The following LACTB variants were observed in gnomAD, a reference collection of about 807,000 sequenced individuals.
LACTB encodes lactamase beta.
Under a neutral mutation model 50.2 loss-of-function variants are expected in LACTB, and 35 were observed. The ratio of observed to expected loss-of-function variants is 0.70; its 90% CI spans 0.53 to 0.92. LACTB has a LOEUF of 0.92. LACTB is among the 40% of genes least tolerant of loss of function. LACTB has a pLI of 0.00. For missense variants in LACTB, 664 were observed against 691.8 expected (o/e 0.96, Z 0.45); for synonymous variants, 252 against 268.2 (o/e 0.94, Z 0.59).
chr15:63,127,279 CATT>C, intron 3 of LACTB, 71 bp from the exon 4 acceptor site: 1 of 1,185,174 alleles, frequency 8.4e-7, no homozygotes, highest in Non-Finnish European at 1.2e-6. Flanking sequence ...ATTACTGAGA[CATT>C]ATTCCGAGGC....
intron 5 of LACTB, among the ~76,000 whole-genome samples, chr15:63,138,232 G>A (rs2037193479): frequency 6.6e-6 from 1 of 152,040 alleles, no homozygotes; most frequent in African/African-American, 2.4e-5. Flanking sequence ...AGGCTGAGGT[G>A]GGGGATTACC....
chr15:63,124,881 G>A (rs1023148181), intron 2 of LACTB, among the ~76,000 whole-genome samples: 7 of 152,068 alleles, frequency 4.6e-5, no homozygotes, highest in African/African-American at 1.7e-4. Context: ...TTGAACTCGG[G>A]AGGCGGAGGT....
intron 2 of LACTB, among the ~76,000 whole-genome samples, chr15:63,124,525 C>T (rs891193626): frequency 4.6e-5 from 7 of 151,880 alleles, no homozygotes; most frequent in African/African-American, 1.7e-4. Flanking sequence ...AAACAGAAGG[C>T]AAAAAACTTA....
Position 63,122,141 on chromosome 15 carries a change from G to A in LACTB, c.270G>A (p.Pro90=). Residue 90 remains proline (P), a synonymous_variant, in exon 1 of 6, where the codon CCG becomes CCA. Transcript: ENST00000261893. The stretch of plus-strand genomic sequence containing the variant: ...CGCCACAGGAGCAGTCCCTCGCCCC[G>A]TGGTCTCCGCAGACCCCGGCGCCGC... ...AEPPQEQSLA[P]WSPQTPAPPC... is the part of the protein sequence containing the mutation. The A allele has an allele frequency of 6.7e-7, 1 of 1,499,868 alleles. No homozygotes were observed. 92.9% of individuals were successfully genotyped at this position (1,499,868 alleles called of 1,614,324 possible). A position where few individuals can be genotyped will look rare whatever the true frequency, so the allele number is the denominator to read the frequency against.
At chr15:63,137,845 A>T (rs746004102) in intron 5 of LACTB, among the ~76,000 whole-genome samples, 1 of 152,186 alleles carries the variant, frequency 6.6e-6, no homozygotes, top group Non-Finnish European at 1.5e-5. Context: ...GAATTGTTCC[A>T]TATCAAGCTC....
At position 63,141,907 on chromosome 15, in the gene LACTB, A is replaced by C. The variant is rs1260856526; in HGVS notation, c.*102A>C. 24 of 980,596 alleles carry C rather than the reference A, an allele frequency of 2.4e-5. No homozygotes were observed. In the South Asian group the frequency reaches 3.6e-4, roughly 15 times the overall value. 60.7% of individuals were successfully genotyped at this position (980,596 alleles called of 1,614,324 possible). On this transcript the variant is annotated 3_prime_UTR_variant, in exon 6 of 6. Transcript: ENST00000261893. ...TTTAAGAATAAATTTGAAATAGAGT[A>C]TAACTGAATGCAGAGAATTATGTAC...
chr15:63,125,508 A>G (rs1028709977), intron 2 of LACTB, among the ~76,000 whole-genome samples: 2 of 152,180 alleles, frequency 1.3e-5, no homozygotes, highest in African/African-American at 4.8e-5. Flanking sequence ...TCCTTCAAGT[A>G]TAAGTATAAT....
At chr15:63,130,590 C>T (rs1029945427) in intron 5 of LACTB, 1 of 150,470 alleles carries the variant, frequency 6.6e-6, no homozygotes, top group Non-Finnish European at 1.5e-5. Flanking sequence ...ACAGACCTTA[C>T]TCAAATTTTG....
intron 5 of LACTB, chr15:63,131,395 A>G (rs542736581): frequency 6.6e-6 from 1 of 152,348 alleles, no homozygotes; most frequent in African/African-American, 2.4e-5. Context: ...CACTGTCATT[A>G]TTTAATATGT....
At chr15:63,132,054 T>G (rs1425577192) in intron 5 of LACTB, among the ~76,000 whole-genome samples, 3 of 152,194 alleles carry the variant, frequency 2.0e-5, no homozygotes, top group African/African-American at 7.2e-5. Context: ...TAATTTCTTT[T>G]TGTAATTATT....
At chr15:63,136,316 C>T (rs753853804) in intron 5 of LACTB, among the ~76,000 whole-genome samples, 3 of 152,158 alleles carry the variant, frequency 2.0e-5, no homozygotes, top group Non-Finnish European at 4.4e-5. Context: ...GGATTACAGG[C>T]GTGAGCCTAG....
chr15:63,140,217 C>T (rs1252909713), intron 5 of LACTB, among the ~76,000 whole-genome samples: 1 of 152,064 alleles, frequency 6.6e-6, no homozygotes, highest in African/African-American at 2.4e-5. Context: ...CAGGAGTTGA[C>T]ACAAAGTAAT....
At chr15:63,123,586 G>A (rs2037007442) in intron 2 of LACTB, among the ~76,000 whole-genome samples, 1 of 152,168 alleles carries the variant, frequency 6.6e-6, no homozygotes, top group Non-Finnish European at 1.5e-5. Flanking sequence ...GGCCCCGAAT[G>A]TCTGGCTGCG....
At chr15:63,128,187 C>T (rs1280541022) in intron 4 of LACTB, among the ~76,000 whole-genome samples, 1 of 151,854 alleles carries the variant, frequency 6.6e-6, no homozygotes, top group Non-Finnish European at 1.5e-5. Flanking sequence ...CTAAATTTAC[C>T]ATAGTTTGAT....
intron 2 of LACTB, among the ~76,000 whole-genome samples, chr15:63,125,449 T>A (rs1217833340): frequency 6.6e-6 from 1 of 151,988 alleles, no homozygotes; most frequent in Non-Finnish European, 1.5e-5. Context: ...ATTACAGGCG[T>A]GAGCCACCGT....
At chr15:63,139,857 G>T (rs2037211931) in intron 5 of LACTB, among the ~76,000 whole-genome samples, 1 of 151,886 alleles carries the variant, frequency 6.6e-6, no homozygotes, top group Admixed American at 6.6e-5. Context: ...CAGCACTTTG[G>T]GAGGCAGAGG....
At chr15:63,127,916 A>C (rs559286831) in intron 4 of LACTB, among the ~76,000 whole-genome samples, 7 of 152,246 alleles carry the variant, frequency 4.6e-5, no homozygotes, top group African/African-American at 7.2e-5. Flanking sequence ...GAGGATTCTC[A>C]GTATCAAGAT....
intron 2 of LACTB, among the ~76,000 whole-genome samples, chr15:63,125,426 C>T (rs1010100745): frequency 6.6e-6 from 1 of 151,990 alleles, no homozygotes; most frequent in Non-Finnish European, 1.5e-5. Flanking sequence ...CCTCGGCATC[C>T]CAAAGTGCTG....
intron 5 of LACTB, chr15:63,130,210 C>G (rs564916437): frequency 6.6e-6 from 1 of 152,304 alleles, no homozygotes; most frequent in East Asian, 1.9e-4. Context: ...TTTCTAAAAA[C>G]AAGGACATTC....
Sources: allele counts gnomAD v4.1 joint callset (sites outside exome capture counted in the v4.1 genomes callset), GRCh38; gene constraint gnomAD v4.1.1; transcripts MANE v1.5; gene names NCBI Gene and HGNC (gene_info 2026-07-23, HGNC 2026-07-21).